Variants in MGAM observed in about 807,000 individuals in gnomAD.
MGAM encodes alpha-1,4-glucosidase.
A neutral mutation model predicts 358.8 loss-of-function variants in MGAM; 253 were observed. That is an observed-to-expected ratio of 0.71 (90% confidence interval 0.64 to 0.78). The LOEUF (loss-of-function observed/expected upper bound fraction) is 0.78. MGAM is among the 30% of genes least tolerant of loss of function. The pLI is 0.00. For synonymous variants in MGAM, 1,105 were observed against 1,227.1 expected (o/e 0.90, Z 2.08); for missense variants, 3,080 against 3,432.6 (o/e 0.90, Z 2.57).
At chr7:142,040,199 C>G (rs1213259528) in intron 20 of MGAM, 28 bp downstream of exon 20, 1 of 1,565,666 alleles carries the variant, frequency 6.4e-7, no homozygotes, top group African/African-American at 1.4e-5. Context: ...TTCTTCTACT[C>G]CTTAAGACTG....
intron 45 of MGAM, 37 bp downstream of exon 45, chr7:142,074,210 C>T (rs1356756735): frequency 1.5e-6 from 2 of 1,363,242 alleles, no homozygotes; most frequent in Non-Finnish European, 2.1e-6. Context: ...GTTTCCCAAC[C>T]TGCGCCTGTG....
chr7:142,084,274 G>C (rs1814572353), intron 53 of MGAM, among the ~76,000 whole-genome samples: 1 of 145,894 alleles, frequency 6.9e-6, no homozygotes, highest in Admixed American at 6.9e-5. Context: ...TTCTTAACCA[G>C]TTACCTACAG....
At chr7:142,101,305 A>G (rs1240655625) in intron 68 of MGAM, among the ~76,000 whole-genome samples, 1 of 151,944 alleles carries the variant, frequency 6.6e-6, no homozygotes, top group Non-Finnish European at 1.5e-5. Flanking sequence ...GGAATTGGTA[A>G]ACTCTCAGGA....
chr7:142,039,593 C>G (rs886875828), intron 19 of MGAM, among the ~76,000 whole-genome samples: 3 of 152,118 alleles, frequency 2.0e-5, no homozygotes, highest in African/African-American at 7.2e-5. Flanking sequence ...CAAACTATAT[C>G]AAGAGTGGTC....
At chr7:142,055,121 A>G (rs1362864710) in intron 27 of MGAM, among the ~76,000 whole-genome samples, 1 of 152,208 alleles carries the variant, frequency 6.6e-6, no homozygotes, top group African/African-American at 2.4e-5. Flanking sequence ...GATTCATCCA[A>G]CAAATGTTTA....
rs1256557964 is a variant in MGAM, at chr7:142,056,426, GGT to G, written c.3580+331_3580+332del. Among the ~76,000 whole-genome samples, 280 of 152,140 alleles carry G rather than the reference GGT, an allele frequency of 1.8e-3. 2 individuals are homozygous for G. The highest frequency in any genetic ancestry group is 6.2e-3 in the African/African-American group (257 of 41,492). ...TATGGGTCAGAGAAGTTAGTCTGGG[GGT>G]ATTGAGGGTGTATGGTATGTTGGAA... On this transcript the variant is annotated intron_variant, in intron 29 of 70. Transcript: ENST00000475668.
At chr7:142,056,741 G>T in intron 29 of MGAM, 89 bp from the exon 30 acceptor site, 2 of 1,254,272 alleles carry the variant, frequency 1.6e-6, no homozygotes, top group East Asian at 4.9e-5. Context: ...GATAGGGAGG[G>T]TGCAGGAAGA....
chr7:142,034,424 A>C lies in MGAM; in HGVS notation c.1787+45A>C, dbSNP rs1807795724. On this transcript the variant is annotated intron_variant, in intron 15 of 70. Transcript: ENST00000475668. ...GACCTGCTAATTATTGAATATAAAG[A>C]ATATATATATGTTTTTAATTCTTGG... 3 of 1,302,816 alleles carry C rather than the reference A, an allele frequency of 2.3e-6. No individual in the cohort carries two copies. In the East Asian group the frequency reaches 7.5e-5, roughly 33 times the overall value. 80.7% of individuals were successfully genotyped at this position (1,302,816 alleles called of 1,614,324 possible).
intron 25 of MGAM, 75 bp downstream of exon 25, chr7:142,052,521 T>C (rs1811093224): frequency 6.4e-7 from 1 of 1,557,956 alleles, no homozygotes; most frequent in South Asian, 1.2e-5. Context: ...ATAGCAGTGG[T>C]ACTTACATAA....
rs1375578885 is a variant in MGAM at position 142,103,354 on chromosome 7, T to C, written c.8099T>C (p.Val2700Ala). 1 of 1,613,048 alleles carries C rather than the reference T, an allele frequency of 6.2e-7. No homozygotes were observed. The highest frequency in any genetic ancestry group is 1.3e-5 in the African/African-American group (1 of 74,982). The change falls in exon 70 of 71, where the codon GTG becomes GCG. Residue 2700 changes from valine (V) to alanine (A), a missense_variant. Coordinates refer to ENST00000475668, the MANE Select transcript of MGAM (RefSeq NM_001365693.1). The stretch of plus-strand genomic sequence containing the variant: ...CTGGGCTACATTGAAATCTGGGGAG[T>C]GGGCAGTGTCCCCGTTACCAGTGTC... ...LKLGYIEIWGVGSVPVTSVSI... is the reference protein window; with the variant it reads ...LKLGYIEIWGAGSVPVTSVSI...
At position 142,038,577 on chromosome 7, in the gene MGAM, T is replaced by C. The variant is rs765827662; in HGVS notation, c.2278T>C (p.Trp760Arg). The change falls in exon 19 of 71, where the codon TGG (tryptophan) becomes CGG (arginine). Residue 760 changes from tryptophan (W) to arginine (R), a missense_variant. Trp to Arg is a moderately radical substitution (Grantham distance 101, BLOSUM62 -3). Transcript: ENST00000475668. Reference protein sequence around the residue: ...STWDVHQQFLWGPGLLITPVL... With the variant: ...STWDVHQQFLRGPGLLITPVL... ...TTGGGATGTGCACCAACAGTTCTTA[T>C]GGGGGCCCGGCCTCCTCATCACTCC... The C allele has an allele frequency of 2.5e-6, 4 of 1,611,716 alleles. No homozygotes were observed. Among genetic ancestry groups the C allele is most frequent in the Non-Finnish European group, 2.5e-6 (3 of 1,178,912 alleles).
At chr7:142,035,755 C>G (rs150841836) in intron 16 of MGAM, among the ~76,000 whole-genome samples, 19 of 151,986 alleles carry the variant, frequency 1.3e-4, no homozygotes, top group Admixed American at 1.2e-3. Context: ...CAAGGAAGTC[C>G]CGGAGATTTT....
rs1397406710 is a variant in MGAM at position 142,091,922 on chromosome 7, G to A, written c.6820G>A (p.Ala2274Thr). ...TATTTCTTTTTTATAGCTATATCGA[G>A]CTTATGTGGCCTTCCCAGACTTTTT... ...DWDSQVELYR[A>T]YVAFPDFFRN... is the part of the protein sequence containing the mutation. Residue 2274 changes from alanine to threonine, a missense_variant, in exon 58 of 71, where the codon GCT becomes ACT. Ala to Thr is a moderately conservative substitution (Grantham distance 58). Around this residue, in one of 5 missense-constraint regions of MGAM, gnomAD observed 932 missense variants for 1,198.2 expected, o/e 0.78. Transcript: ENST00000475668. 1 of 1,495,530 alleles carries A rather than the reference G, an allele frequency of 6.7e-7. No homozygotes were observed. The highest frequency in any genetic ancestry group is 1.9e-5 in the Admixed American group (1 of 52,472). 92.6% of individuals were successfully genotyped at this position (1,495,530 alleles called of 1,614,324 possible). A position where few individuals can be genotyped will look rare whatever the true frequency, so the allele number is the denominator to read the frequency against.
At chr7:142,044,565 TGTAATA>T (rs1809750654) in intron 21 of MGAM, among the ~76,000 whole-genome samples, 13 of 134,842 alleles carry the variant, frequency 9.6e-5, no homozygotes, top group South Asian at 2.3e-4. Flanking sequence ...TATATACACG[TGTAATA>T]TATGATATAT....
chr7:142,055,782 A>T, intron 28 of MGAM, 56 bp downstream of exon 28: 5 of 1,605,602 alleles, frequency 3.1e-6, no homozygotes, highest in Non-Finnish European at 3.4e-6. Flanking sequence ...CACACTGCTC[A>T]GGCTTTGGGC....
intron 3 of MGAM, among the ~76,000 whole-genome samples, chr7:142,009,102 A>G (rs1326187391): frequency 6.6e-6 from 1 of 152,136 alleles, no homozygotes; most frequent in African/African-American, 2.4e-5. Context: ...CATGCCCTGT[A>G]TGTCTCTCCT....
At chr7:142,051,002 G>GA in intron 24 of MGAM, 138 bp downstream of exon 24, 2 of 1,095,074 alleles carry the variant, frequency 1.8e-6, no homozygotes, top group Non-Finnish European at 2.7e-6. Context: ...GAGGGCTGGG[G>GA]AAAAAAATGA....
intron 51 of MGAM, 86 bp from the exon 52 acceptor site, chr7:142,082,389 C>T: frequency 7.7e-7 from 1 of 1,291,104 alleles, no homozygotes; most frequent in Non-Finnish European, 1.1e-6. Context: ...AAACTAGACC[C>T]ATCTTAGCAA....
intron 14 of MGAM, 78 bp downstream of exon 14, chr7:142,032,987 T>A: frequency 1.0e-6 from 1 of 961,072 alleles, no homozygotes; most frequent in South Asian, 1.8e-5. Context: ...ATCTGAAAAA[T>A]CTGGCAAGGG....
Sources: gnomAD v4.1 joint callset for allele counts (sites outside exome capture counted in the v4.1 genomes callset) on GRCh38, gnomAD v4.1.1 for gene constraint, gnomAD v4.1.1 regional missense constraint, MANE v1.5 for transcripts, NCBI Gene and HGNC (gene_info 2026-07-23, HGNC 2026-07-21) for gene names.